KCNU1: variants seen among roughly 807,000 people sequenced by gnomAD.
KCNU1 encodes the protein potassium channel subfamily U member 1.
KCNU1 carries 93 observed loss-of-function variants against 126.8 expected under a neutral mutation model. The ratio of observed to expected loss-of-function variants is 0.73; its 90% confidence interval spans 0.62 to 0.87. The LOEUF (loss-of-function observed/expected upper bound fraction) is 0.87, where lower values mean the gene tolerates loss of function less well. KCNU1 is among the 40% of genes least tolerant of loss of function. The probability of loss-of-function intolerance (pLI) is 0.00; values close to 1 mark genes in which losing one functional copy is unlikely to be tolerated. For missense variants in KCNU1, 1,330 were observed against 1,367.1 expected (o/e 0.97, Z 0.43); for synonymous variants, 523 against 494.2 (o/e 1.06, Z -0.77).
chr8:36,897,813 A>C (rs1273704303), intron 19 of KCNU1, among the ~76,000 whole-genome samples: 1 of 152,016 alleles, frequency 6.6e-6, no homozygotes, highest in Non-Finnish European at 1.5e-5. Context: ...CCCACAAGAG[A>C]CTTCTAATTT....
At chr8:36,861,812 A>G (rs1012957247) in intron 18 of KCNU1, among the ~76,000 whole-genome samples, 2 of 152,250 alleles carry the variant, frequency 1.3e-5, no homozygotes, top group Admixed American at 6.5e-5. Context: ...TGGAAATCAC[A>G]TATGAGGCAT....
In KCNU1 at chr8:36,921,046, G is replaced by A. The variant is rs1315749508; in HGVS notation, c.2597-1444G>A. On this transcript the variant is annotated intron_variant, in intron 23 of 26. Coordinates refer to ENST00000399881, the MANE Select transcript of KCNU1 (RefSeq NM_001031836.3). ...ATGTCAAGAACTGTGGAGAGTCTAA[G>A]GCTATCCTATTTGCAAACCAACAAG... Among the ~76,000 whole-genome samples the A allele has an allele frequency of 4.6e-5, 7 of 152,142 alleles. No individual in the cohort carries two copies. In the East Asian group the frequency reaches 1.3e-3, roughly 29 times the overall value.
At chr8:36,885,501 G>A (rs906200228) in intron 19 of KCNU1, among the ~76,000 whole-genome samples, 1 of 152,070 alleles carries the variant, frequency 6.6e-6, no homozygotes, top group Non-Finnish European at 1.5e-5. Context: ...GTTGCAGTGT[G>A]TGAGATCGCA....
At chr8:36,798,476 G>T (rs1803187201) in intron 2 of KCNU1, among the ~76,000 whole-genome samples, 2 of 152,136 alleles carry the variant, frequency 1.3e-5, no homozygotes, top group African/African-American at 2.4e-5. Flanking sequence ...TATTAACATA[G>T]CTAGATCTTT....
At chr8:36,844,067 C>A (rs527483145) in intron 16 of KCNU1, among the ~76,000 whole-genome samples, 6 of 151,376 alleles carry the variant, frequency 4.0e-5, no homozygotes, top group African/African-American at 1.2e-4. Context: ...TTCAGAGAAA[C>A]CTTTCTCCTT....
Position 36,796,136 on chromosome 8 carries a change from T to A in KCNU1, c.316-7891T>A, listed in dbSNP as rs1398179086. Among the ~76,000 whole-genome samples the A allele has an allele frequency of 2.0e-5, 3 of 152,220 alleles. No homozygotes were observed. The East Asian group carries it at 5.8e-4, about 29-fold the overall frequency. On this transcript the variant is annotated intron_variant, in intron 2 of 26. Coordinates refer to ENST00000399881, the MANE Select transcript of KCNU1 (RefSeq NM_001031836.3). Reference sequence around the variant, plus strand: ...TTTAAATTTTAATTTTGGTTTCTTGTTTGATACATTATCTATTTAGAGAAA... The same window carrying A: ...TTTAAATTTTAATTTTGGTTTCTTGATTGATACATTATCTATTTAGAGAAA...
At chr8:36,846,763 T>C (rs554130427) in intron 18 of KCNU1, among the ~76,000 whole-genome samples, 74 of 138,770 alleles carry the variant, frequency 5.3e-4, no homozygotes, top group Middle Eastern at 3.8e-3. Context: ...ATCATACCAC[T>C]GCACTCCAGC....
At chr8:36,905,842 A>C (rs369238231) in intron 20 of KCNU1, 38 bp downstream of exon 20, 1 of 989,882 alleles carries the variant, frequency 1.0e-6, no homozygotes, top group South Asian at 1.5e-5. Context: ...AAATAAGATA[A>C]AGCATTTCGT....
At chr8:36,831,049 A>G (rs1418455985) in intron 10 of KCNU1, among the ~76,000 whole-genome samples, 1 of 151,390 alleles carries the variant, frequency 6.6e-6, no homozygotes, top group African/African-American at 2.4e-5. Flanking sequence ...GAGAATGATG[A>G]TTTCCAATTT....
chr8:36,860,404 GCATAAACAC>G (rs1207597413), intron 18 of KCNU1, among the ~76,000 whole-genome samples: 2 of 152,036 alleles, frequency 1.3e-5, no homozygotes, highest in African/African-American at 2.4e-5. Flanking sequence ...TGGGTTCACA[GCATAAACAC>G]CAGTAGGGCT....
chr8:36,789,444 G>A (rs1485597467), intron 2 of KCNU1, among the ~76,000 whole-genome samples: 1 of 151,580 alleles, frequency 6.6e-6, no homozygotes, highest in Non-Finnish European at 1.5e-5. Flanking sequence ...CTCTTAAAAT[G>A]TCTTATAGTT....
Position 36,840,499 on chromosome 8 carries a change from A to C in KCNU1, c.1555A>C (p.Asn519His), listed in dbSNP as rs1165628723. ...PKQTWKKHFL[N>H]SMKNKILTQR... ...ACAGACCTGGAAGAAACACTTCTTG[A>C]ATAGCATGAAAAACAAAATTCTGAC... is the stretch of plus-strand genomic sequence containing the variant. Residue 519 changes from asparagine (N) to histidine (H), a missense_variant, in exon 15 of 27, where the codon AAT becomes CAT. Coordinates refer to ENST00000399881, the MANE Select transcript of KCNU1 (RefSeq NM_001031836.3). 1 of 1,610,938 alleles carries C rather than the reference A, an allele frequency of 6.2e-7. No individual in the cohort carries two copies. Among genetic ancestry groups the C allele is most frequent in the Non-Finnish European group, 8.5e-7 (1 of 1,177,768 alleles).
At chr8:36,839,252 C>G (rs1309107937) in intron 14 of KCNU1, among the ~76,000 whole-genome samples, 2 of 152,144 alleles carry the variant, frequency 1.3e-5, no homozygotes, top group South Asian at 4.1e-4. Context: ...TAGATCTGAT[C>G]CAACAGGCTT....
At position 36,932,941 on chromosome 8, in the gene KCNU1, C is replaced by A; in HGVS notation, c.2953C>A (p.Leu985Met). The change falls in exon 26 of 27, where the codon CTG becomes ATG. Residue 985 changes from leucine (L) to methionine (M), a missense_variant. Physicochemically the swap from Leu to Met is conservative, Grantham distance 15. This residue lies in a region of KCNU1 where 1,054 missense variants were observed against 1,053.9 expected (regional missense o/e 1.00). Transcript: ENST00000399881. The part of the protein sequence containing the change: ...DVNPRNTFGQ[L>M]FCGSLDLFGI... ...CCAGCCAAGAAACACCTTTGGACAA[C>A]TGTTCTGTGGCTCATTAGATCTTTT... The A allele has an allele frequency of 6.4e-7, 1 of 1,571,986 alleles. No homozygotes were observed. Among genetic ancestry groups the A allele is most frequent in the Non-Finnish European group, 8.6e-7 (1 of 1,156,336 alleles).
intron 18 of KCNU1, among the ~76,000 whole-genome samples, chr8:36,854,382 C>T (rs151295986): frequency 5.4e-4 from 82 of 151,878 alleles, no homozygotes; most frequent in Non-Finnish European, 1.1e-3. Context: ...CCAGCGGTCC[C>T]TTAGGCTGTC....
chr8:36,792,847 T>C (rs1280968036), intron 2 of KCNU1, among the ~76,000 whole-genome samples: 6 of 152,154 alleles, frequency 3.9e-5, no homozygotes, highest in Non-Finnish European at 7.4e-5. Flanking sequence ...ATATAGGTAT[T>C]GTTATTAATA....
chr8:36,861,865 A>T (rs1391517190), intron 18 of KCNU1, among the ~76,000 whole-genome samples: 4 of 152,190 alleles, frequency 2.6e-5, no homozygotes, highest in Admixed American at 2.6e-4. Context: ...AAAAGGAAAG[A>T]TTTGCTTGTT....
intron 18 of KCNU1, 46 bp from the exon 19 acceptor site, chr8:36,864,358 T>C (rs774540156): frequency 4.3e-6 from 5 of 1,159,784 alleles, no homozygotes; most frequent in Non-Finnish European, 6.5e-6. Context: ...CAACAATCCC[T>C]TGTGAAGAGA....
At position 36,864,481 on chromosome 8, in the gene KCNU1, G is replaced by T. The variant is rs773318844; in HGVS notation, c.1969G>T (p.Val657Leu). The change falls in exon 19 of 27, where the codon GTA becomes TTA. Residue 657 changes from valine (V) to leucine (L), a missense_variant. Val to Leu is a conservative substitution (Grantham distance 32). Around this residue, in one of 3 missense-constraint regions of KCNU1, gnomAD observed 1,054 missense variants for 1,053.9 expected, o/e 1.00. Coordinates refer to ENST00000399881, the MANE Select transcript of KCNU1 (RefSeq NM_001031836.3). ...ATCAGGGCAGGATTCTCCGCCAAGG[G>T]TATCTGCAAGCACTTCGAGCATATC... ...RISGQDSPPR[V>L]SASTSSISNF... 3 of 1,612,822 alleles carry T rather than the reference G, an allele frequency of 1.9e-6. No homozygotes were observed. The highest frequency in any genetic ancestry group is 2.5e-6 in the Non-Finnish European group (3 of 1,178,954).
Sources: allele counts gnomAD v4.1 joint callset (sites outside exome capture counted in the v4.1 genomes callset), GRCh38; gene constraint gnomAD v4.1.1; regional missense constraint gnomAD v4.1.1; transcripts MANE v1.5; gene names NCBI Gene and HGNC (gene_info 2026-07-23, HGNC 2026-07-21).